Variants in PLB1 observed in about 807,000 individuals in gnomAD.
PLB1 encodes the protein phospholipase B1.
Under a neutral mutation model 227.4 loss-of-function variants are expected in PLB1, and 242 were observed. The ratio of observed to expected loss-of-function variants is 1.06; its 90% confidence interval spans 0.96 to 1.18. PLB1 has a LOEUF of 1.18. PLB1 is among the 50% of genes most tolerant of loss of function. The probability of loss-of-function intolerance (pLI) is 0.00; values close to 1 mark genes in which losing one functional copy is unlikely to be tolerated. For missense variants in PLB1, 1,858 were observed against 1,816.3 expected, an observed-to-expected ratio of 1.02 and a Z score of -0.42; for synonymous variants, 757 against 682.2, an observed-to-expected ratio of 1.11 and a Z score of -1.71.
intron 13 of PLB1, among the ~76,000 whole-genome samples, chr2:28,542,783 C>G (rs912562380): frequency 1.3e-5 from 2 of 152,244 alleles, no homozygotes; most frequent in African/African-American, 4.8e-5. Context: ...GGAACAGTCC[C>G]TCCCTCCAGG....
intron 33 of PLB1, among the ~76,000 whole-genome samples, chr2:28,596,668 A>C (rs1488865380): frequency 6.6e-6 from 1 of 152,252 alleles, no homozygotes; most frequent in Non-Finnish European, 1.5e-5. Context: ...AGCTTCATGC[A>C]GAGCTGGAAA....
intron 43 of PLB1, among the ~76,000 whole-genome samples, chr2:28,612,376 G>C (rs993608049): frequency 1.1e-4 from 17 of 152,126 alleles, no homozygotes; most frequent in Non-Finnish European, 2.4e-4. Context: ...TGTGAGGAAC[G>C]GAACCAGGCA....
At chr2:28,535,915 G>T (rs551259578) in intron 9 of PLB1, among the ~76,000 whole-genome samples, 2 of 152,202 alleles carry the variant, frequency 1.3e-5, no homozygotes, top group South Asian at 4.1e-4. Context: ...GTGAGACTCT[G>T]TCTTTAAAAA....
rs73922155 is a variant in PLB1, at chr2:28,543,933, G to A, written c.936+665G>A. Among the ~76,000 whole-genome samples the A allele has an allele frequency of 9.6e-3, 1,463 of 152,342 alleles. 22 individuals are homozygous for A. The highest frequency in any genetic ancestry group is 0.032 in the African/African-American group (1,319 of 41,568). Reference sequence around the variant, plus strand: ...GATTAGTCAGGGGATGGAATGTGGCGTCGACGTCGAGGCTTTGAACCTTTT... The same window carrying A: ...GATTAGTCAGGGGATGGAATGTGGCATCGACGTCGAGGCTTTGAACCTTTT... On this transcript the variant is annotated intron_variant, in intron 14 of 57. Transcript: ENST00000327757.
chr2:28,634,727 G>A (rs1030980193), intron 56 of PLB1, among the ~76,000 whole-genome samples: 1 of 150,474 alleles, frequency 6.6e-6, no homozygotes, highest in African/African-American at 2.5e-5. Context: ...GGGCAACACA[G>A]GGGAGATTCT....
rs550566218 is a variant in PLB1, at chr2:28,558,076, C to T, written c.1148-4965C>T. Among the ~76,000 whole-genome samples the T allele has an allele frequency of 7.9e-5, 12 of 152,054 alleles. No individual in the cohort carries two copies. The South Asian group carries it at 1.7e-3, about 21-fold the overall frequency. On this transcript the variant is annotated intron_variant, in intron 17 of 57. Coordinates refer to ENST00000327757, the MANE Select transcript of PLB1 (RefSeq NM_153021.5). ...CAGATGACGTCAGGCACTTTCAGGG[C>T]GGTATGGCCATAGACCAATCAGTCT...
chr2:28,585,775 G>A lies in PLB1; in HGVS notation c.1748G>A (p.Cys583Tyr). ...TTGGTCTACAGGTCTCTGTGTCCCT[G>A]TGTCCTGAAGTTTGATGATAACTCA... ...PRMILRSLCPCVLKFDDNSTE... is the reference protein window; with the variant it reads ...PRMILRSLCPYVLKFDDNSTE... The change falls in exon 26 of 58, where the codon TGT (cysteine) becomes TAT (tyrosine). Residue 583 changes from cysteine to tyrosine, a missense_variant. Cys to Tyr is a radical substitution (Grantham distance 194, BLOSUM62 -2). Transcript: ENST00000327757. The A allele has an allele frequency of 6.2e-7, 1 of 1,609,216 alleles. No homozygotes were observed. Among genetic ancestry groups the A allele is most frequent in the Non-Finnish European group, 8.5e-7 (1 of 1,175,532 alleles).
intron 29 of PLB1, 23 bp from the exon 30 acceptor site, chr2:28,591,110 T>C (rs760073422): frequency 1.2e-6 from 2 of 1,614,138 alleles, no homozygotes; most frequent in Non-Finnish European, 1.7e-6. Context: ...TTGCTGCCAT[T>C]GCTCACCCCC....
intron 1 of PLB1, among the ~76,000 whole-genome samples, chr2:28,504,405 G>A (rs1667423316): frequency 6.6e-6 from 1 of 151,940 alleles, no homozygotes. Context: ...AAATAACTTT[G>A]GATTCCCATA....
intron 51 of PLB1, 66 bp downstream of exon 51, chr2:28,626,574 C>T: frequency 7.1e-7 from 1 of 1,399,400 alleles, no homozygotes; most frequent in Non-Finnish European, 1.0e-6. Flanking sequence ...AACATCCTTG[C>T]CCATCCATCC....
chr2:28,519,300 G>C (rs1360370468), intron 3 of PLB1, among the ~76,000 whole-genome samples: 1 of 152,212 alleles, frequency 6.6e-6, no homozygotes, highest in African/African-American at 2.4e-5. Context: ...AAGCTAAAGT[G>C]ATCCTTTTGG....
At chr2:28,515,847 A>C (rs1490410620) in intron 1 of PLB1, among the ~76,000 whole-genome samples, 4 of 152,220 alleles carry the variant, frequency 2.6e-5, no homozygotes, top group African/African-American at 7.2e-5. Flanking sequence ...CAGTATCATT[A>C]ATGTATTGTG....
chr2:28,524,951 G>A (rs1048778840), intron 4 of PLB1, among the ~76,000 whole-genome samples: 1 of 150,566 alleles, frequency 6.6e-6, no homozygotes, highest in Non-Finnish European at 1.5e-5. Context: ...GGGTTCAAGC[G>A]ATTCTCCTGC....
At chr2:28,525,697 C>T (rs1054470602) in intron 5 of PLB1, among the ~76,000 whole-genome samples, 4 of 152,094 alleles carry the variant, frequency 2.6e-5, no homozygotes, top group African/African-American at 9.7e-5. Context: ...GTTGGAGGAG[C>T]GGAGGAGGGT....
At chr2:28,523,445 C>G (rs1037153799) in intron 4 of PLB1, among the ~76,000 whole-genome samples, 8 of 146,430 alleles carry the variant, frequency 5.5e-5, no homozygotes, top group Non-Finnish European at 1.0e-4. Context: ...CTGTGTCTTA[C>G]TTAGCTTTGC....
At chr2:28,624,104 G>A (rs989571364) in intron 49 of PLB1, among the ~76,000 whole-genome samples, 1 of 152,040 alleles carries the variant, frequency 6.6e-6, no homozygotes, top group African/African-American at 2.4e-5. Context: ...TCTCAAAAAG[G>A]ATACAATTTA....
intron 17 of PLB1, among the ~76,000 whole-genome samples, chr2:28,559,729 A>G (rs1675727393): frequency 7.3e-6 from 1 of 136,288 alleles, no homozygotes; most frequent in African/African-American, 2.7e-5. Flanking sequence ...GTTTCACTGC[A>G]GGCCTGAAAG....
At chr2:28,642,192 C>T (rs1200696354) in intron 57 of PLB1, among the ~76,000 whole-genome samples, 2 of 152,144 alleles carry the variant, frequency 1.3e-5, no homozygotes, top group Non-Finnish European at 2.9e-5. Flanking sequence ...CATGAGACAC[C>T]GACCCAGTCT....
Position 28,643,272 on chromosome 2 carries a change from T to A in PLB1, c.*211T>A. On this transcript the variant is annotated 3_prime_UTR_variant, in exon 58 of 58. Coordinates refer to ENST00000327757, the MANE Select transcript of PLB1 (RefSeq NM_153021.5). ...ATAAAGTCCAAAGCTATTTTATTCC[T>A]GGGTTTGCCTGCGTGAAGCACTCAC... 2 of 461,940 alleles carry A rather than the reference T, an allele frequency of 4.3e-6. No homozygotes were observed. Among genetic ancestry groups the A allele is most frequent in the Non-Finnish European group, 7.6e-6 (2 of 262,858 alleles). The allele number at this position is 461,940 out of a possible 1,614,324, so 28.6% of individuals were successfully genotyped here. A position where few individuals can be genotyped will look rare whatever the true frequency, so the allele number is the denominator to read the frequency against.
Sources: gnomAD v4.1 joint callset for allele counts (sites outside exome capture counted in the v4.1 genomes callset) on GRCh38, gnomAD v4.1.1 for gene constraint, MANE v1.5 for transcripts, NCBI Gene and HGNC (gene_info 2026-07-23, HGNC 2026-07-21) for gene names.